Variants in PRDM5 observed in about 807,000 individuals in gnomAD.
PRDM5 encodes the protein PR/SET domain 5.
A neutral mutation model predicts 81.2 loss-of-function variants in PRDM5; 56 were observed. The observed-to-expected ratio is 0.69, with a 90% CI of 0.56 to 0.86. The LOEUF is 0.86. PRDM5 is among the 40% of genes least tolerant of loss of function. The pLI is 0.00. For missense variants in PRDM5, 697 were observed against 770.1 expected (o/e 0.91, Z 1.12); for synonymous variants, 267 against 256.4 (o/e 1.04, Z -0.39).
At chr4:120,889,575 CT>C (rs1272398197) in intron 2 of PRDM5, among the ~76,000 whole-genome samples, 5 of 152,070 alleles carry the variant, frequency 3.3e-5, no homozygotes, top group Non-Finnish European at 2.9e-5. Flanking sequence ...GAGATTGCAT[CT>C]TTTTTTAAGT....
chr4:120,896,489 T>G (rs777913320), intron 2 of PRDM5: 1 of 152,148 alleles, frequency 6.6e-6, no homozygotes, highest in South Asian at 2.1e-4. Flanking sequence ...CACTTGCACA[T>G]AGTTGATTAA....
At chr4:120,888,313 A>G (rs1182574146) in intron 2 of PRDM5, among the ~76,000 whole-genome samples, 2 of 152,208 alleles carry the variant, frequency 1.3e-5, no homozygotes, top group Non-Finnish European at 2.9e-5. Flanking sequence ...ATCCTGATTT[A>G]TAATTTTATA....
chr4:120,771,434 C>T (rs1411278472), intron 13 of PRDM5, among the ~76,000 whole-genome samples: 2 of 152,022 alleles, frequency 1.3e-5, no homozygotes, highest in African/African-American at 4.8e-5. Flanking sequence ...AATATTTTTT[C>T]AACTGAGTTA....
intron 2 of PRDM5, among the ~76,000 whole-genome samples, chr4:120,897,857 A>C (rs1579165066): frequency 1.3e-5 from 2 of 152,100 alleles, no homozygotes; most frequent in Non-Finnish European, 2.9e-5. Flanking sequence ...CTTTTCTTCC[A>C]TGTGCTAGAG....
chr4:120,876,677 T>C (rs1398782454), intron 2 of PRDM5, among the ~76,000 whole-genome samples: 3 of 152,148 alleles, frequency 2.0e-5, no homozygotes, highest in African/African-American at 7.2e-5. Context: ...TATTCCAGGG[T>C]GAAATTAAAA....
At chr4:120,797,026 A>T (rs1008505082) in intron 10 of PRDM5, among the ~76,000 whole-genome samples, 2 of 152,206 alleles carry the variant, frequency 1.3e-5, no homozygotes, top group Admixed American at 6.5e-5. Context: ...AATTCAATTC[A>T]AGCATGATGT....
rs778149058 is a variant in PRDM5 at position 120,695,086 on chromosome 4, T to A, written c.*25A>T. 8 of 1,604,974 alleles carry A rather than the reference T, an allele frequency of 5.0e-6. No homozygotes were observed. The highest frequency in any genetic ancestry group is 6.8e-6 in the Non-Finnish European group (8 of 1,172,062). ...GATTCATATTAGGAGCCCTTCTGAATAGTTTAATTCCTTTACAGCCCCTAT... is the reference window on the plus strand; with the variant it reads ...GATTCATATTAGGAGCCCTTCTGAAAAGTTTAATTCCTTTACAGCCCCTAT... On this transcript the variant is annotated 3_prime_UTR_variant, in exon 16 of 16. Coordinates refer to ENST00000264808, the MANE Select transcript of PRDM5 (RefSeq NM_018699.4).
At chr4:120,805,682 G>A (rs377057187) in intron 8 of PRDM5, among the ~76,000 whole-genome samples, 1 of 152,088 alleles carries the variant, frequency 6.6e-6, no homozygotes, top group East Asian at 1.9e-4. Context: ...CAATAAACTA[G>A]GTACTGATGG....
intron 2 of PRDM5, among the ~76,000 whole-genome samples, chr4:120,883,570 C>T (rs182226046): frequency 1.6e-4 from 20 of 122,604 alleles, no homozygotes; most frequent in Admixed American, 7.7e-4. Flanking sequence ...CATCACACAC[C>T]GGTGCCTGTT....
intron 3 of PRDM5, among the ~76,000 whole-genome samples, chr4:120,846,675 T>G (rs1578968730): frequency 6.6e-6 from 1 of 152,204 alleles, no homozygotes; most frequent in Non-Finnish European, 1.5e-5. Flanking sequence ...CCCAGGTGTG[T>G]AGAGGCTAAG....
intron 8 of PRDM5, among the ~76,000 whole-genome samples, chr4:120,800,759 A>T (rs1406146806): frequency 6.6e-6 from 1 of 152,210 alleles, no homozygotes; most frequent in Non-Finnish European, 1.5e-5. Flanking sequence ...GGATGCATTA[A>T]TTTATTTCAC....
At chr4:120,760,859 G>A (rs1019392642) in intron 13 of PRDM5, among the ~76,000 whole-genome samples, 4 of 151,784 alleles carry the variant, frequency 2.6e-5, no homozygotes, top group Admixed American at 6.6e-5. Context: ...AGTGTGATGA[G>A]AAAGACAAGA....
chr4:120,844,633 C>CTT (rs952619542), intron 3 of PRDM5, among the ~76,000 whole-genome samples: 1 of 152,034 alleles, frequency 6.6e-6, no homozygotes, highest in Non-Finnish European at 1.5e-5. Flanking sequence ...CTCTCTCTCT[C>CTT]TCCTCAGACC....
intron 14 of PRDM5, among the ~76,000 whole-genome samples, chr4:120,727,303 A>ATATG (rs1739566817): frequency 6.6e-6 from 1 of 150,682 alleles, no homozygotes; most frequent in South Asian, 2.1e-4. Context: ...GTATGTATAT[A>ATATG]TGTGTGTGTG....
Position 120,853,405 on chromosome 4 carries a change from CA to C in PRDM5, c.300+12del. 1 of 1,613,548 alleles carries C rather than the reference CA, an allele frequency of 6.2e-7. No homozygotes were observed. Among genetic ancestry groups the C allele is most frequent in the Non-Finnish European group, 8.5e-7 (1 of 1,179,590 alleles). ...CACAGTGCATAGTACAAATGAGAAG[CA>C]AATAAGCTCACTTGAATGGCAGCCA... On this transcript the variant is annotated intron_variant, in intron 3 of 15. Coordinates refer to ENST00000264808, the MANE Select transcript of PRDM5 (RefSeq NM_018699.4).
chr4:120,688,879 A>T (rs1733935827), downstream of PRDM5, among the ~76,000 whole-genome samples: 1 of 152,184 alleles, frequency 6.6e-6, no homozygotes, highest in East Asian at 1.9e-4. Context: ...TTTTGATGAC[A>T]GTAATTTTGT....
At chr4:120,877,822 C>G (rs938548852) in intron 2 of PRDM5, among the ~76,000 whole-genome samples, 4 of 152,080 alleles carry the variant, frequency 2.6e-5, no homozygotes, top group African/African-American at 9.7e-5. Context: ...AATAAATAAA[C>G]AAACAAACAA....
At position 120,754,606 on chromosome 4, in the gene PRDM5, T is replaced by C; in HGVS notation, c.1570A>G (p.Lys524Glu). Residue 524 changes from lysine (K) to glutamate (E), a missense_variant, in exon 14 of 16, where the codon AAA becomes GAA. Transcript: ENST00000264808. ...AGTCCATCATTTTTACTGAATCCTT[T>C]TTCACAGTAAGGACATTGATAGGGA... ...ERPYQCPYCE[K>E]GFSKNDGLKM... 1 of 1,602,672 alleles carries C rather than the reference T, an allele frequency of 6.2e-7. No individual in the cohort carries two copies. The highest frequency in any genetic ancestry group is 8.5e-7 in the Non-Finnish European group (1 of 1,169,754).
At chr4:120,847,320 T>C (rs1442113077) in intron 3 of PRDM5, among the ~76,000 whole-genome samples, 1 of 152,054 alleles carries the variant, frequency 6.6e-6, no homozygotes, top group Non-Finnish European at 1.5e-5. Flanking sequence ...TTTTTCTCTC[T>C]TTCTCTCTCT....
Sources: allele counts gnomAD v4.1 joint callset (sites outside exome capture counted in the v4.1 genomes callset), GRCh38; gene constraint gnomAD v4.1.1; transcripts MANE v1.5; gene names NCBI Gene and HGNC (gene_info 2026-07-23, HGNC 2026-07-21).